The following TMEM132C variants were observed in gnomAD, a reference collection of about 807,000 sequenced individuals.
TMEM132C encodes the protein protein phosphatase 1, regulatory subunit 152.
Under a neutral mutation model 61.4 loss-of-function variants are expected in TMEM132C, and 29 were observed. The ratio of observed to expected loss-of-function variants is 0.47; its 90% CI spans 0.35 to 0.64. TMEM132C has a LOEUF of 0.64. TMEM132C is among the 30% of genes least tolerant of loss of function. The pLI is 0.00. For missense variants in TMEM132C, 1,408 were observed against 1,476.9 expected (o/e 0.95, Z 0.76); for synonymous variants, 656 against 633.1 (o/e 1.04, Z -0.54).
At chr12:128,493,570 C>G (rs1041900485) in intron 2 of TMEM132C, among the ~76,000 whole-genome samples, 12 of 152,110 alleles carry the variant, frequency 7.9e-5, no homozygotes, top group African/African-American at 1.9e-4. Flanking sequence ...CTTCACATCC[C>G]TTATACGTTG....
chr12:128,706,428 T>C lies in TMEM132C; in HGVS notation c.*133T>C. 8.2e-7 allele frequency: 1 copy of C among 1,223,208 alleles called. No individual in the cohort carries two copies. Among genetic ancestry groups the C allele is most frequent in the Non-Finnish European group, 1.1e-6 (1 of 932,900 alleles). 75.8% of individuals were successfully genotyped at this position (1,223,208 alleles called of 1,614,324 possible). On this transcript the variant is annotated 3_prime_UTR_variant, in exon 9 of 9. Coordinates refer to ENST00000435159, the MANE Select transcript of TMEM132C (RefSeq NM_001136103.3). Reference sequence around the variant, plus strand: ...TCCATGCTAGACCAGTTGGAAAGTTTTGAAGTCAGGAAAAGACGTTTTTGT... The same window carrying C: ...TCCATGCTAGACCAGTTGGAAAGTTCTGAAGTCAGGAAAAGACGTTTTTGT...
chr12:128,390,376 GC>G (rs570187459), intron 1 of TMEM132C, among the ~76,000 whole-genome samples: 111 of 152,292 alleles, frequency 7.3e-4, no homozygotes, highest in African/African-American at 2.5e-3. Context: ...TTCTAGAGGT[GC>G]CCATGTACCT....
chr12:128,646,872 T>C (rs1389548803), intron 4 of TMEM132C, among the ~76,000 whole-genome samples: 1 of 151,360 alleles, frequency 6.6e-6, no homozygotes, highest in East Asian at 1.9e-4. Context: ...ATTGGATGAA[T>C]GTGTTTACTG....
At chr12:128,307,046 T>C (rs1279718946) in intron 1 of TMEM132C, among the ~76,000 whole-genome samples, 1 of 152,176 alleles carries the variant, frequency 6.6e-6, no homozygotes, top group African/African-American at 2.4e-5. Flanking sequence ...CTTCCACCAT[T>C]GCTGGAAGGA....
In TMEM132C at chr12:128,649,012, G is replaced by A. The variant is rs1395916766; in HGVS notation, c.1306-20405G>A. 2.3e-4 allele frequency among the ~76,000 whole-genome samples: 33 copies of A among 145,162 alleles called. 1 individual carries two copies. The highest frequency in any genetic ancestry group is 8.5e-4 in the African/African-American group (30 of 35,262). On this transcript the variant is annotated intron_variant, in intron 4 of 8. Transcript: ENST00000435159. ...TCAGCATTGGATAAGTATGTTTACT[G>A]GAGTCCATCAGCATTGGATGTCAGT...
Position 128,501,537 on chromosome 12 carries a change from G to A in TMEM132C, c.975-42420G>A, listed in dbSNP as rs576137014. 1.1e-4 allele frequency among the ~76,000 whole-genome samples: 16 copies of A among 152,238 alleles called. No individual in the cohort carries two copies. The East Asian group carries it at 2.3e-3, about 22-fold the overall frequency. Reference sequence around the variant, plus strand: ...GTGTGCTGAGAAGAAGCATCTAAACGTACATTCTCCACTCATGGACCAATA... The same window carrying A: ...GTGTGCTGAGAAGAAGCATCTAAACATACATTCTCCACTCATGGACCAATA... On this transcript the variant is annotated intron_variant, in intron 2 of 8. Coordinates refer to ENST00000435159, the MANE Select transcript of TMEM132C (RefSeq NM_001136103.3).
chr12:128,317,031 G>T (rs1296301449), intron 1 of TMEM132C, among the ~76,000 whole-genome samples: 1 of 152,132 alleles, frequency 6.6e-6, no homozygotes, highest in Non-Finnish European at 1.5e-5. Flanking sequence ...TATCCTGAGG[G>T]CTTGATCTTT....
In TMEM132C at chr12:128,415,680, A is replaced by G. The variant is rs1412262038; in HGVS notation, c.974+60A>G. Reference sequence around the variant, plus strand: ...CATGCCTGGTGTGAGACTGGGTTCCATGCGTGGCAGATAGATATTCAGGAA... The same window carrying G: ...CATGCCTGGTGTGAGACTGGGTTCCGTGCGTGGCAGATAGATATTCAGGAA... On this transcript the variant is annotated intron_variant, in intron 2 of 8. Transcript: ENST00000435159. The surrounding 1 kb of genome is among the most constrained non-coding windows in gnomAD (Gnocchi z 5.8). 3.5e-6 allele frequency: 5 copies of G among 1,446,256 alleles called. No homozygotes were observed. Among genetic ancestry groups the G allele is most frequent in the South Asian group, 2.9e-5 (2 of 67,984 alleles). The allele number at this position is 1,446,256 out of a possible 1,614,324, so 89.6% of individuals were successfully genotyped here.
chr12:128,665,831 T>A (rs1383514232), intron 4 of TMEM132C, among the ~76,000 whole-genome samples: 37 of 23,752 alleles, frequency 1.6e-3, no homozygotes, highest in African/African-American at 2.4e-3. Flanking sequence ...TCACAGGCAC[T>A]CACACAAACA....
intron 3 of TMEM132C, 113 bp downstream of exon 3, chr12:128,544,216 T>C: frequency 7.3e-7 from 1 of 1,369,304 alleles, no homozygotes; most frequent in Non-Finnish European, 9.6e-7. Flanking sequence ...GAGGAGCTAT[T>C]GAACCCACCA....
intron 3 of TMEM132C, among the ~76,000 whole-genome samples, chr12:128,573,458 G>T (rs989231794): frequency 1.8e-4 from 28 of 152,146 alleles, no homozygotes; most frequent in Non-Finnish European, 3.2e-4. Context: ...GTCGTGGGGT[G>T]GGGGGAGTGG....
intron 4 of TMEM132C, among the ~76,000 whole-genome samples, chr12:128,624,353 G>A (rs961100784): frequency 1.3e-5 from 2 of 152,034 alleles, no homozygotes; most frequent in African/African-American, 4.8e-5. Context: ...AGACCACCCT[G>A]GCCAAGATAG....
chr12:128,606,542 G>A (rs917564246), intron 3 of TMEM132C, among the ~76,000 whole-genome samples: 1 of 152,204 alleles, frequency 6.6e-6, no homozygotes, highest in Admixed American at 6.5e-5. Flanking sequence ...CCAAACTTCT[G>A]TTTTATTCTT....
rs371781435 is a variant in TMEM132C at position 128,656,966 on chromosome 12, GT to G, written c.1306-12449del. Among the ~76,000 whole-genome samples the G allele has an allele frequency of 1.3e-4, 20 of 152,278 alleles. No homozygotes were observed. In the East Asian group the frequency reaches 3.9e-3, roughly 29 times the overall value. On this transcript the variant is annotated intron_variant, in intron 4 of 8. Coordinates refer to ENST00000435159, the MANE Select transcript of TMEM132C (RefSeq NM_001136103.3). ...TACCTCTGGGATTCAAGGTCTTTGT[GT>G]TGCTGCACAGACACCAGGCAGGCAT...
rs982078160 is a variant in TMEM132C, at chr12:128,668,919, A to G, written c.1306-498A>G. Among the ~76,000 whole-genome samples the G allele has an allele frequency of 1.3e-5, 2 of 152,226 alleles. 1 individual carries two copies. The highest frequency in any genetic ancestry group is 1.3e-4 in the Admixed American group (2 of 15,284). On this transcript the variant is annotated intron_variant, in intron 4 of 8. Transcript: ENST00000435159. ...ACTGGATCCACCTAGATAATCCAGG[A>G]TAATTCTTCCATCTTAAGATCTTAA...
chr12:128,678,740 A>G (rs1242274969), intron 5 of TMEM132C, among the ~76,000 whole-genome samples: 2 of 152,118 alleles, frequency 1.3e-5, no homozygotes, highest in Non-Finnish European at 2.9e-5. Context: ...GAAGTTAAGG[A>G]CGCTGCTTGT....
intron 2 of TMEM132C, among the ~76,000 whole-genome samples, chr12:128,487,302 A>T (rs571883307): frequency 6.6e-6 from 1 of 152,184 alleles, no homozygotes; most frequent in Non-Finnish European, 1.5e-5. Context: ...GCATTTGCTC[A>T]CCCTCTTCCC....
At chr12:128,364,800 G>A (rs1873812612) in intron 1 of TMEM132C, among the ~76,000 whole-genome samples, 1 of 152,130 alleles carries the variant, frequency 6.6e-6, no homozygotes, top group South Asian at 2.1e-4. Flanking sequence ...GATGTGCTGA[G>A]GGCTTCTGAT....
intron 1 of TMEM132C, among the ~76,000 whole-genome samples, chr12:128,342,692 C>T (rs1395043551): frequency 6.6e-6 from 1 of 152,220 alleles, no homozygotes; most frequent in Non-Finnish European, 1.5e-5. Context: ...TCTTTTCATC[C>T]TGCTTTGATC....
Sources: gnomAD v4.1 joint callset for allele counts (sites outside exome capture counted in the v4.1 genomes callset) on GRCh38, gnomAD v4.1.1 for gene constraint, Gnocchi (gnomAD v3.1) non-coding constraint, MANE v1.5 for transcripts, NCBI Gene and HGNC (gene_info 2026-07-23, HGNC 2026-07-21) for gene names.